Variants in POF1B observed in about 807,000 individuals in gnomAD.
The protein encoded by POF1B is protein POF1B.
In POF1B, 53 loss-of-function variants were observed where a neutral mutation model predicts 55.3. The observed-to-expected ratio is 0.96, with a 90% CI of 0.77 to 1.20. POF1B has a LOEUF of 1.20. Among genes scored for constraint, POF1B ranks in the 50% most tolerant of loss-of-function variants. POF1B has a pLI of 0.00. For missense variants in POF1B, 478 were observed against 420.5 expected, an observed-to-expected ratio of 1.14 and a Z score of -1.20; for synonymous variants, 188 against 148.3, an observed-to-expected ratio of 1.27 and a Z score of -1.95.
At chrX:85,283,336 A>G (rs1271195512) in intron 15 of POF1B, among the ~76,000 whole-genome samples, 1 of 110,733 alleles carries the variant, frequency 9.0e-6, no homozygotes, top group Non-Finnish European at 1.9e-5. Flanking sequence ...CATATAAAAT[A>G]TACAAGGTAT....
Position 85,303,499 on chromosome X carries a change from A to G in POF1B, c.1567-11T>C. ...CAACTTGGAGAGTTCCTTACAAATA[A>G]AAGATAATATAATCATTTGATGGAA... On this transcript the variant is annotated splice_polypyrimidine_tract_variant and intron_variant, in intron 14 of 16. Transcript: ENST00000262753. 2 of 1,067,427 alleles carry G rather than the reference A, an allele frequency of 1.9e-6. No homozygotes were observed. The highest frequency in any genetic ancestry group is 2.6e-6 in the Non-Finnish European group (2 of 774,774). 88.0% of individuals were successfully genotyped at this position (1,067,427 alleles called of 1,213,427 possible). A position where few individuals can be genotyped will look rare whatever the true frequency, so the allele number is the denominator to read the frequency against.
In POF1B at chrX:85,314,421, C is replaced by T. The variant is rs1369432992; in HGVS notation, c.957+11G>A. The T allele has an allele frequency of 1.1e-5, 13 of 1,181,536 alleles. No individual in the cohort carries two copies. Among genetic ancestry groups the T allele is most frequent in the Non-Finnish European group, 1.5e-5 (13 of 879,634 alleles). Reference sequence around the variant, plus strand: ...GTTGATTTCACACATCCACTCTTGACCCCAACTCACCTGCAGAATGTAGCG... The same window carrying T: ...GTTGATTTCACACATCCACTCTTGATCCCAACTCACCTGCAGAATGTAGCG... On this transcript the variant is annotated intron_variant, in intron 9 of 16. Coordinates refer to ENST00000262753, the MANE Select transcript of POF1B (RefSeq NM_024921.4).
intron 7 of POF1B, among the ~76,000 whole-genome samples, chrX:85,320,963 C>A (rs1470769890): frequency 1.8e-5 from 2 of 108,918 alleles, no homozygotes; most frequent in Admixed American, 9.7e-5. Context: ...GCTTACCAAC[C>A]AAAAAGAGTC....
At chrX:85,313,147 G>T (rs1603038354) in intron 9 of POF1B, among the ~76,000 whole-genome samples, 1 of 111,352 alleles carries the variant, frequency 9.0e-6, no homozygotes, top group Non-Finnish European at 1.9e-5. Flanking sequence ...TTCCTCTCTT[G>T]CTATTTGAAT....
chrX:85,304,199 C>T lies in POF1B; in HGVS notation c.1566+144G>A, dbSNP rs73513650. ...TCCTGAAATATGTATATTCTACTTCCTCACTTGCACCTACATTTTATTTCA... is the reference window on the plus strand; with the variant it reads ...TCCTGAAATATGTATATTCTACTTCTTCACTTGCACCTACATTTTATTTCA... On this transcript the variant is annotated intron_variant, in intron 14 of 16. Coordinates refer to ENST00000262753, the MANE Select transcript of POF1B (RefSeq NM_024921.4). 32 of 586,016 alleles carry T rather than the reference C, an allele frequency of 5.5e-5. 1 individual carries two copies. The African/African-American group carries it at 7.5e-4, about 14-fold the overall frequency. 48.3% of individuals were successfully genotyped at this position (586,016 alleles called of 1,213,427 possible).
intron 2 of POF1B, among the ~76,000 whole-genome samples, chrX:85,368,908 T>G (rs1330932887): frequency 8.9e-6 from 1 of 111,747 alleles, no homozygotes; most frequent in African/African-American, 3.2e-5. Flanking sequence ...GTATAAATAT[T>G]TTTTCTGTAG....
chrX:85,340,883 A>C (rs1394910754), intron 6 of POF1B, among the ~76,000 whole-genome samples: 1 of 111,515 alleles, frequency 9.0e-6, no homozygotes, highest in Non-Finnish European at 1.9e-5. Flanking sequence ...ATACACAAAA[A>C]CCAAGCAAAT....
In POF1B at chrX:85,323,046, C is replaced by T. The variant is rs776610697; in HGVS notation, c.855-7312G>A. Among the ~76,000 whole-genome samples, 174 of 109,353 alleles carry T rather than the reference C, an allele frequency of 1.6e-3. 2 individuals carry two copies. The East Asian group carries it at 0.036, about 23-fold the overall frequency. The allele number at this position is 109,353 out of a possible 115,157, so 95.0% of individuals were successfully genotyped here. ...GTGGAAGTCAGTGTGGCGATTCCTC[C>T]GGGATCTAGAACTAGAAATACCACT... On this transcript the variant is annotated intron_variant, in intron 7 of 16. Transcript: ENST00000262753.
At chrX:85,311,245 C>T (rs760157545) in intron 9 of POF1B, among the ~76,000 whole-genome samples, 132 of 111,175 alleles carry the variant, frequency 1.2e-3, no homozygotes, top group African/African-American at 4.1e-3. Context: ...GATACATGTG[C>T]AGAACGTGCA....
chrX:85,308,354 G>A (rs1200366891), intron 9 of POF1B, 138 bp from the exon 10 acceptor site: 7 of 337,074 alleles, frequency 2.1e-5, no homozygotes, highest in Non-Finnish European at 3.2e-5. Flanking sequence ...GTGATATAAG[G>A]CATTTTGTCA....
intron 2 of POF1B, among the ~76,000 whole-genome samples, chrX:85,372,724 T>C (rs1369546255): frequency 2.9e-5 from 3 of 102,941 alleles, no homozygotes; most frequent in African/African-American, 1.0e-4. Context: ...AAAGTATATA[T>C]ATATATAAAT....
intron 15 of POF1B, among the ~76,000 whole-genome samples, chrX:85,292,292 G>A (rs971868191): frequency 3.6e-5 from 4 of 112,036 alleles, no homozygotes; most frequent in African/African-American, 9.7e-5. Context: ...AAGCCTACTT[G>A]ATTGTGGTGG....
intron 4 of POF1B, among the ~76,000 whole-genome samples, chrX:85,356,767 C>T: frequency 9.0e-6 from 1 of 111,251 alleles, no homozygotes; most frequent in South Asian, 3.8e-4. Flanking sequence ...GGTGCCAGAT[C>T]CACCCTAAAA....
chrX:85,379,152 G>A (rs895242776), intron 2 of POF1B, 21 bp downstream of exon 2: 2 of 1,202,681 alleles, frequency 1.7e-6, no homozygotes, highest in Non-Finnish European at 2.3e-6. Flanking sequence ...CACTAGTCTG[G>A]CATAGCTTTC....
chrX:85,333,551 A>G (rs550018213), intron 6 of POF1B, among the ~76,000 whole-genome samples: 2 of 111,252 alleles, frequency 1.8e-5, no homozygotes, highest in East Asian at 2.8e-4. Context: ...AATTCTGGAA[A>G]GAATTTTTTT....
chrX:85,348,531 G>A (rs999420287), intron 5 of POF1B, among the ~76,000 whole-genome samples: 5 of 110,006 alleles, frequency 4.5e-5, no homozygotes, highest in Admixed American at 9.8e-5. Flanking sequence ...CACATGTTAC[G>A]GTAAACAGGT....
intron 3 of POF1B, among the ~76,000 whole-genome samples, chrX:85,366,344 A>G (rs1933722019): frequency 9.0e-6 from 1 of 111,386 alleles, no homozygotes; most frequent in Non-Finnish European, 1.9e-5. Flanking sequence ...AAAACTGTAT[A>G]TATGGTATAA....
intron 7 of POF1B, 25 bp downstream of exon 7, chrX:85,330,924 A>T (rs767293429): frequency 4.9e-5 from 56 of 1,138,982 alleles, no homozygotes; most frequent in Non-Finnish European, 6.5e-5. Flanking sequence ...CTACAACATC[A>T]AGGCAAATAA....
In POF1B at chrX:85,282,394, G is replaced by T. The variant is rs191372311; in HGVS notation, c.1650-77C>A. 7.2e-4 allele frequency: 494 copies of T among 690,280 alleles called. 1 individual carries two copies. In the African/African-American group the frequency reaches 0.01, roughly 14 times the overall value. The allele number at this position is 690,280 out of a possible 1,213,427, so 56.9% of individuals were successfully genotyped here. A position where few individuals can be genotyped will look rare whatever the true frequency, so the allele number is the denominator to read the frequency against. ...ATTCCTTTTTAGTCACTCCTAGTTT[G>T]ATTGCCCTAATTAAGCCAATTCGGC... On this transcript the variant is annotated intron_variant, in intron 15 of 16. Coordinates refer to ENST00000262753, the MANE Select transcript of POF1B (RefSeq NM_024921.4).
Sources: allele counts gnomAD v4.1 joint callset (sites outside exome capture counted in the v4.1 genomes callset), GRCh38; gene constraint gnomAD v4.1.1; transcripts MANE v1.5; gene names NCBI Gene and HGNC (gene_info 2026-07-23, HGNC 2026-07-21).